Variants in ZCCHC7 observed in about 807,000 individuals in gnomAD.
ZCCHC7 encodes the protein zinc finger CCHC-type containing 7, also known as zinc finger CCHC domain-containing protein 7.
In ZCCHC7, 35 loss-of-function variants were observed where a neutral mutation model predicts 52.0. The observed-to-expected ratio is 0.67, with a 90% CI of 0.51 to 0.89. ZCCHC7 has a LOEUF of 0.89. ZCCHC7 is among the 40% of genes least tolerant of loss of function. The probability of loss-of-function intolerance (pLI) is 0.00; values close to 1 mark genes in which losing one functional copy is unlikely to be tolerated. For synonymous variants in ZCCHC7, 217 were observed against 221.5 expected (o/e 0.98, Z 0.18); for missense variants, 574 against 649.1 (o/e 0.88, Z 1.26).
At chr9:37,304,847 C>CTG (rs1829227144) in intron 4 of ZCCHC7, among the ~76,000 whole-genome samples, 1 of 152,178 alleles carries the variant, frequency 6.6e-6, no homozygotes, top group African/African-American at 2.4e-5. Flanking sequence ...ATTTAACCCT[C>CTG]TGTGCTTCTT....
intron 2 of ZCCHC7, among the ~76,000 whole-genome samples, chr9:37,264,468 T>G (rs1385229997): frequency 6.7e-6 from 1 of 148,452 alleles, no homozygotes; most frequent in African/African-American, 2.5e-5. Context: ...TCTTTTTTTT[T>G]GTGGAGGGCA....
intron 2 of ZCCHC7, among the ~76,000 whole-genome samples, chr9:37,146,613 C>T (rs1843445697): frequency 6.6e-6 from 1 of 151,868 alleles, no homozygotes. Context: ...GTAACTTCCT[C>T]ATGTGGTTTA....
chr9:37,189,333 T>G (rs144956431), intron 2 of ZCCHC7, among the ~76,000 whole-genome samples: 1 of 152,302 alleles, frequency 6.6e-6, no homozygotes, highest in Non-Finnish European at 1.5e-5. Flanking sequence ...CTGGACAATT[T>G]AAGTGTCATA....
At chr9:37,309,416 C>T (rs1026755515) in intron 5 of ZCCHC7, among the ~76,000 whole-genome samples, 3 of 152,212 alleles carry the variant, frequency 2.0e-5, no homozygotes, top group African/African-American at 7.2e-5. Context: ...GACCCTGAAT[C>T]TTAAGAGATG....
chr9:37,255,634 C>T (rs1350150440), intron 2 of ZCCHC7, among the ~76,000 whole-genome samples: 2 of 152,106 alleles, frequency 1.3e-5, no homozygotes, highest in African/African-American at 4.8e-5. Flanking sequence ...TATTTGCCAA[C>T]ACTGAGCATT....
rs575776501 is a variant in ZCCHC7, at chr9:37,223,652, A to G, written c.611-78536A>G. Among the ~76,000 whole-genome samples the G allele has an allele frequency of 1.1e-4, 16 of 152,306 alleles. 1 individual carries two copies. Among genetic ancestry groups the G allele is most frequent in the African/African-American group, 1.9e-4 (8 of 41,570 alleles). ...TAAGATGACAAATCTTACGTTTTAT[A>G]TATTTTACCACAGTAAAAGAGAAAA... On this transcript the variant is annotated intron_variant, in intron 2 of 8. Coordinates refer to ENST00000336755, the MANE Select transcript of ZCCHC7 (RefSeq NM_032226.3).
chr9:37,290,946 G>A (rs558915696), intron 2 of ZCCHC7, among the ~76,000 whole-genome samples: 96 of 152,280 alleles, frequency 6.3e-4, no homozygotes, highest in African/African-American at 2.2e-3. Flanking sequence ...ACAGAAGAAT[G>A]ATGAAATTGC....
intron 6 of ZCCHC7, among the ~76,000 whole-genome samples, chr9:37,330,159 T>G (rs1830399780): frequency 6.6e-6 from 1 of 151,808 alleles, no homozygotes; most frequent in Non-Finnish European, 1.5e-5. Context: ...AGAATATTGT[T>G]TCTCAAACAC....
intron 2 of ZCCHC7, among the ~76,000 whole-genome samples, chr9:37,174,491 G>T (rs1821910182): frequency 6.6e-6 from 1 of 152,182 alleles, no homozygotes; most frequent in African/African-American, 2.4e-5. Context: ...TGAGTCATCA[G>T]AAATGTTATG....
intron 2 of ZCCHC7, among the ~76,000 whole-genome samples, chr9:37,261,273 T>A (rs1331800096): frequency 6.6e-6 from 1 of 152,242 alleles, no homozygotes; most frequent in East Asian, 1.9e-4. Context: ...AAATGTCTTT[T>A]GTCCTCTGTA....
At position 37,136,032 on chromosome 9, in the gene ZCCHC7, T is replaced by A. The variant is rs186519192; in HGVS notation, c.610+9090T>A. ...ATTTTGTTTGATCTAGGTCTTTACATATGTGTTTTTTTGTTTGTTTTTCTT... is the reference window on the plus strand; with the variant it reads ...ATTTTGTTTGATCTAGGTCTTTACAAATGTGTTTTTTTGTTTGTTTTTCTT... On this transcript the variant is annotated intron_variant, in intron 2 of 8. Transcript: ENST00000336755. Among the ~76,000 whole-genome samples the A allele has an allele frequency of 1.6e-3, 243 of 150,580 alleles. 1 individual carries two copies. The highest frequency in any genetic ancestry group is 5.8e-3 in the African/African-American group (233 of 39,864).
intron 6 of ZCCHC7, among the ~76,000 whole-genome samples, chr9:37,336,193 G>T (rs574968147): frequency 1.3e-5 from 2 of 152,272 alleles, no homozygotes; most frequent in South Asian, 2.1e-4. Context: ...ATAGCAAAAT[G>T]TAGTGGTATA....
chr9:37,162,185 T>C (rs924651596), intron 2 of ZCCHC7, among the ~76,000 whole-genome samples: 7 of 152,068 alleles, frequency 4.6e-5, no homozygotes, highest in African/African-American at 1.7e-4. Context: ...ACATATATAC[T>C]TATATACTAC....
At position 37,195,785 on chromosome 9, in the gene ZCCHC7, A is replaced by G. The variant is rs370134356; in HGVS notation, c.610+68843A>G. 5.3e-5 allele frequency among the ~76,000 whole-genome samples: 8 copies of G among 152,288 alleles called. No individual in the cohort carries two copies. The South Asian group carries it at 1.5e-3, about 28-fold the overall frequency. On this transcript the variant is annotated intron_variant, in intron 2 of 8. Coordinates refer to ENST00000336755, the MANE Select transcript of ZCCHC7 (RefSeq NM_032226.3). ...CCTACAAAGCTCATAATTTAGTCCAAATTCTGAGGAGTAACTTATACTAGG... is the reference window on the plus strand; with the variant it reads ...CCTACAAAGCTCATAATTTAGTCCAGATTCTGAGGAGTAACTTATACTAGG...
intron 2 of ZCCHC7, among the ~76,000 whole-genome samples, chr9:37,168,264 T>C (rs548736216): frequency 6.6e-6 from 1 of 152,310 alleles, no homozygotes; most frequent in African/African-American, 2.4e-5. Flanking sequence ...TTCATGTGTT[T>C]TGTCTATTTT....
chr9:37,212,064 A>G lies in ZCCHC7; in HGVS notation c.610+85122A>G, dbSNP rs990870285. Among the ~76,000 whole-genome samples the G allele has an allele frequency of 9.1e-3, 1,217 of 133,556 alleles. 8 individuals carry two copies. Among genetic ancestry groups the G allele is most frequent in the Non-Finnish European group, 0.014 (868 of 61,236 alleles). 87.6% of individuals were successfully genotyped at this position (133,556 alleles called of 152,430 possible). ...AAAAAAAAAAAAAAAAAAAAAAAAAAAGAAAATCTTTGGCAAAATCACTGG... is the reference window on the plus strand; with the variant it reads ...AAAAAAAAAAAAAAAAAAAAAAAAAGAGAAAATCTTTGGCAAAATCACTGG... On this transcript the variant is annotated intron_variant, in intron 2 of 8. Transcript: ENST00000336755.
At chr9:37,176,620 T>C (rs987786315) in intron 2 of ZCCHC7, among the ~76,000 whole-genome samples, 11 of 151,870 alleles carry the variant, frequency 7.2e-5, no homozygotes, top group Non-Finnish European at 2.9e-5. Context: ...TATTAAAATA[T>C]ATGCATAACT....
intron 2 of ZCCHC7, among the ~76,000 whole-genome samples, chr9:37,248,338 T>C (rs930999501): frequency 6.6e-6 from 1 of 152,218 alleles, no homozygotes; most frequent in African/African-American, 2.4e-5. Context: ...ATGTGCAATC[T>C]GTTTAAGAAT....
At chr9:37,225,653 A>G (rs886138882) in intron 2 of ZCCHC7, among the ~76,000 whole-genome samples, 5 of 152,226 alleles carry the variant, frequency 3.3e-5, no homozygotes, top group African/African-American at 4.8e-5. Context: ...AAGCAACATT[A>G]TTTACTGTAT....
Sources: allele counts gnomAD v4.1 joint callset (sites outside exome capture counted in the v4.1 genomes callset), GRCh38; gene constraint gnomAD v4.1.1; transcripts MANE v1.5; gene names NCBI Gene and HGNC (gene_info 2026-07-23, HGNC 2026-07-21).